Variants in PLCH1 observed in about 807,000 individuals in gnomAD.
The protein encoded by PLCH1 is phospholipase C eta 1, also known as 1-phosphatidylinositol 4,5-bisphosphate phosphodiesterase eta-1.
PLCH1 carries 60 observed loss-of-function variants against 126.7 expected under a neutral mutation model. The observed-to-expected ratio is 0.47, with a 90% CI of 0.38 to 0.59. The LOEUF (loss-of-function observed/expected upper bound fraction) is 0.59. Ranked by LOEUF, PLCH1 falls within the 20% of genes least tolerant of loss-of-function variation. PLCH1 has a pLI of 0.00. For synonymous variants in PLCH1, 719 were observed against 734.9 expected (o/e 0.98, Z 0.35); for missense variants, 1,723 against 2,040.0 (o/e 0.84, Z 2.99).
At chr3:155,697,816 G>T (rs547963196) in intron 2 of PLCH1, among the ~76,000 whole-genome samples, 1 of 152,296 alleles carries the variant, frequency 6.6e-6, no homozygotes, top group African/African-American at 2.4e-5. Flanking sequence ...TGGTAACAGA[G>T]GGAGCCAGGA....
chr3:155,560,648 G>C (rs930385803), intron 8 of PLCH1, among the ~76,000 whole-genome samples: 1 of 152,098 alleles, frequency 6.6e-6, no homozygotes, highest in Non-Finnish European at 1.5e-5. Context: ...ATTCAAGCTA[G>C]AAACTATCTG....
chr3:155,603,190 T>C (rs1733961510), intron 2 of PLCH1, among the ~76,000 whole-genome samples: 1 of 152,168 alleles, frequency 6.6e-6, no homozygotes, highest in Non-Finnish European at 1.5e-5. Context: ...ACAATCTTTT[T>C]AGTAAAAAGG....
At chr3:155,459,702 G>A (rs1712638596) in intron 21 of PLCH1, among the ~76,000 whole-genome samples, 1 of 152,180 alleles carries the variant, frequency 6.6e-6, no homozygotes, top group Admixed American at 6.5e-5. Flanking sequence ...GTCCTGTCAG[G>A]CCAGGGTTGA....
rs758819455 is a variant in PLCH1 at position 155,596,296 on chromosome 3, A to T, written c.162T>A (p.Phe54Leu). Residue 54 changes from phenylalanine to leucine, a missense_variant, in exon 3 of 23, where the codon TTT becomes TTA. This residue lies in a region of PLCH1 where 776 missense variants were observed against 1,062.9 expected (regional missense o/e 0.73). Coordinates refer to ENST00000460012, the MANE Select transcript of PLCH1 (RefSeq NM_014996.4). ...GGCGTGTCCGGTGCTCATCCAGGTA[A>T]AAGAGGCGGACAAGCCCTTTGGTTC... ...KRGTKGLVRL[F>L]YLDEHRTRLR... 58 of 1,613,382 alleles carry T rather than the reference A, an allele frequency of 3.6e-5. No homozygotes were observed. The highest frequency in any genetic ancestry group is 4.9e-5 in the Non-Finnish European group (58 of 1,179,488).
chr3:155,558,930 T>C (rs954576646), intron 8 of PLCH1, among the ~76,000 whole-genome samples: 3 of 152,064 alleles, frequency 2.0e-5, no homozygotes, highest in African/African-American at 7.2e-5. Context: ...AGAGATCATG[T>C]CACCAAATGC....
chr3:155,500,630 GA>G, intron 14 of PLCH1, 72 bp downstream of exon 14: 2 of 910,506 alleles, frequency 2.2e-6, no homozygotes, highest in Non-Finnish European at 3.6e-6. Flanking sequence ...ACATGTACAA[GA>G]AAAATGACTA....
intron 14 of PLCH1, among the ~76,000 whole-genome samples, chr3:155,500,227 G>A (rs1235634054): frequency 6.6e-6 from 1 of 152,180 alleles, no homozygotes; most frequent in African/African-American, 2.4e-5. Context: ...AATCAGGCCA[G>A]GGCTTACAGG....
chr3:155,499,977 T>G (rs531090177), intron 14 of PLCH1, among the ~76,000 whole-genome samples: 2 of 152,290 alleles, frequency 1.3e-5, no homozygotes, highest in Middle Eastern at 6.8e-3. Context: ...TGCTTCTAAT[T>G]TCAAATAATT....
chr3:155,453,029 A>T (rs752776444), intron 21 of PLCH1, among the ~76,000 whole-genome samples: 7 of 152,176 alleles, frequency 4.6e-5, no homozygotes, highest in Non-Finnish European at 8.8e-5. Context: ...GACTCTGATA[A>T]TGCTGGTGAT....
At chr3:155,677,567 T>G (rs1032383817) in intron 2 of PLCH1, among the ~76,000 whole-genome samples, 1 of 152,362 alleles carries the variant, frequency 6.6e-6, no homozygotes, top group East Asian at 1.9e-4. Flanking sequence ...ACCAACTAGC[T>G]GTGAGACTTT....
At chr3:155,603,489 C>T (rs1237219654) in intron 2 of PLCH1, among the ~76,000 whole-genome samples, 2 of 152,126 alleles carry the variant, frequency 1.3e-5, no homozygotes, top group Non-Finnish European at 2.9e-5. Context: ...AGCTTGATAA[C>T]AGCATCTGCC....
chr3:155,702,539 C>CT (rs1430538209), intron 2 of PLCH1, among the ~76,000 whole-genome samples: 1 of 152,088 alleles, frequency 6.6e-6, no homozygotes, highest in Non-Finnish European at 1.5e-5. Flanking sequence ...TAATGGTCAT[C>CT]AAGCCCTTAG....
chr3:155,708,340 A>G (rs981025724), intron 1 of PLCH1, among the ~76,000 whole-genome samples: 2 of 152,202 alleles, frequency 1.3e-5, no homozygotes, highest in African/African-American at 4.8e-5. Flanking sequence ...AGCTTCCACC[A>G]GATTCAGAAG....
chr3:155,622,252 C>A (rs1364351818), intron 2 of PLCH1, among the ~76,000 whole-genome samples: 1 of 152,202 alleles, frequency 6.6e-6, no homozygotes, highest in African/African-American at 2.4e-5. Flanking sequence ...ACAAGAGCTC[C>A]TGAAGGAAAC....
chr3:155,691,371 A>G (rs921044732), intron 2 of PLCH1, among the ~76,000 whole-genome samples: 1 of 152,218 alleles, frequency 6.6e-6, no homozygotes, highest in Non-Finnish European at 1.5e-5. Context: ...TCCTCCCGAC[A>G]AGGTCTAAAC....
At chr3:155,478,528 T>C (rs1713645686), downstream of PLCH1, among the ~76,000 whole-genome samples, 1 of 152,136 alleles carries the variant, frequency 6.6e-6, no homozygotes, top group Non-Finnish European at 1.5e-5. Flanking sequence ...CATACATATA[T>C]GCACCTACTG....
chr3:155,594,413 TA>T (rs1482414336), intron 3 of PLCH1, among the ~76,000 whole-genome samples: 8 of 147,808 alleles, frequency 5.4e-5, no homozygotes, highest in East Asian at 3.9e-4. Flanking sequence ...TCTGCTAAAA[TA>T]AAAAAAAAAT....
intron 21 of PLCH1, among the ~76,000 whole-genome samples, chr3:155,454,894 A>T (rs892004454): frequency 6.6e-6 from 1 of 152,198 alleles, no homozygotes. Context: ...TTACACATAA[A>T]AGATGAGGTG....
intron 10 of PLCH1, among the ~76,000 whole-genome samples, chr3:155,547,367 A>G (rs561824492): frequency 9.9e-5 from 15 of 150,936 alleles, no homozygotes; most frequent in African/African-American, 3.2e-4. Context: ...TTAGAATGGC[A>G]ATCATTAAAA....
Sources: allele counts gnomAD v4.1 joint callset (sites outside exome capture counted in the v4.1 genomes callset), GRCh38; gene constraint gnomAD v4.1.1; regional missense constraint gnomAD v4.1.1; transcripts MANE v1.5; gene names NCBI Gene and HGNC (gene_info 2026-07-23, HGNC 2026-07-21).